The following PPP2R1B variants were observed in gnomAD, a reference collection of about 807,000 sequenced individuals.
PPP2R1B encodes protein phosphatase 2 scaffold subunit Abeta.
Under a neutral mutation model 72.7 loss-of-function variants are expected in PPP2R1B, and 58 were observed. That is an observed-to-expected ratio of 0.80 (90% CI 0.65 to 0.99). The LOEUF is 0.99. Among genes scored for constraint, PPP2R1B ranks in the 50% least tolerant of loss-of-function variants. The pLI is 0.00. For synonymous variants in PPP2R1B, 256 were observed against 264.6 expected (o/e 0.97, Z 0.32); for missense variants, 695 against 733.6 (o/e 0.95, Z 0.61).
At chr11:111,713,142 G>A in the PPP2R1B span, among the ~76,000 whole-genome samples, 2 of 152,152 alleles carry the variant, frequency 1.3e-5, no homozygotes, top group South Asian at 4.1e-4. Context: ...TCCAGCCTGG[G>A]TGACAGAGTG....
At chr11:111,746,479 T>TG (rs1407532514) in intron 11 of PPP2R1B, among the ~76,000 whole-genome samples, 1 of 151,336 alleles carries the variant, frequency 6.6e-6, no homozygotes, top group Non-Finnish European at 1.5e-5. Flanking sequence ...TATCAGGGGG[T>TG]GAGGGGCGAG....
Position 111,739,183 on chromosome 11 carries a change from A to T in PPP2R1B, c.*2413T>A. 1 of 984,908 alleles carries T rather than the reference A, an allele frequency of 1.0e-6. No individual in the cohort carries two copies. Among genetic ancestry groups the T allele is most frequent in the South Asian group, 4.7e-5 (1 of 21,274 alleles). The allele number at this position is 984,908 out of a possible 1,614,324, so 61.0% of individuals were successfully genotyped here. The stretch of plus-strand genomic sequence containing the variant: ...GATATTTTAGAAATTCATCCATTGA[A>T]CACATTTTTATTGAGCACCTATTAT... On this transcript the variant is annotated 3_prime_UTR_variant, in exon 15 of 15. Coordinates refer to ENST00000527614, the MANE Select transcript of PPP2R1B (RefSeq NM_002716.5).
intron 2 of PPP2R1B, among the ~76,000 whole-genome samples, 171 bp downstream of exon 2, chr11:111,765,123 T>C (rs534496742): frequency 6.6e-6 from 1 of 152,356 alleles, no homozygotes; most frequent in African/African-American, 2.4e-5. Flanking sequence ...AGCTAAATGG[T>C]TGATGTTTGA....
chr11:111,742,472 G>C, intron 13 of PPP2R1B, 51 bp downstream of exon 13: 2 of 1,569,346 alleles, frequency 1.3e-6, no homozygotes, highest in Non-Finnish European at 1.7e-6. Context: ...CCCACTATAA[G>C]GTAAAATTTA....
chr11:111,713,850 C>G, the PPP2R1B span, among the ~76,000 whole-genome samples: 11 of 152,170 alleles, frequency 7.2e-5, no homozygotes, highest in East Asian at 3.9e-4. Context: ...GCCTGTAATC[C>G]CAGCTACTCG....
In PPP2R1B at chr11:111,742,109, T is replaced by C. The variant is rs758343790; in HGVS notation, c.1733A>G (p.Lys578Arg). 1 of 1,613,896 alleles carries C rather than the reference T, an allele frequency of 6.2e-7. No individual in the cohort carries two copies. Among genetic ancestry groups the C allele is most frequent in the Non-Finnish European group, 8.5e-7 (1 of 1,179,824 alleles). ...ATCCATGTCTTCATCTTGACCTAAC[T>C]TCTGTAGTACTGGCTTCACTTCTCC... is the stretch of plus-strand genomic sequence containing the variant. ...LQGEVKPVLQ[K>R]LGQDEDMDVK... The change falls in exon 14 of 15, where the codon AAG (lysine) becomes AGG (arginine). Residue 578 changes from lysine (K) to arginine (R), a missense_variant. Transcript: ENST00000527614.
At chr11:111,715,670 G>A in the PPP2R1B span, among the ~76,000 whole-genome samples, 5 of 152,198 alleles carry the variant, frequency 3.3e-5, no homozygotes, top group Admixed American at 6.5e-5. Context: ...ATCCACAGAT[G>A]ACATGGGGGC....
intron 4 of PPP2R1B, among the ~76,000 whole-genome samples, chr11:111,760,585 G>C (rs1555050981): frequency 6.6e-6 from 1 of 151,944 alleles, no homozygotes; most frequent in African/African-American, 2.4e-5. Flanking sequence ...AGAGTTCAAG[G>C]TTGCAGTGAG....
At chr11:111,761,476 G>A (rs929650983) in intron 3 of PPP2R1B, among the ~76,000 whole-genome samples, 1 of 152,176 alleles carries the variant, frequency 6.6e-6, no homozygotes, top group African/African-American at 2.4e-5. Context: ...AGGTCACTGA[G>A]TCCACAGCCT....
chr11:111,708,134 C>T, the PPP2R1B span, among the ~76,000 whole-genome samples: 479 of 152,242 alleles, frequency 3.1e-3, 1 homozygote, highest in South Asian at 0.03. Flanking sequence ...GTAATCCCGG[C>T]GCTTTGGGAG....
At chr11:111,719,451 T>A in the PPP2R1B span, among the ~76,000 whole-genome samples, 676 of 130,332 alleles carry the variant, frequency 5.2e-3, 3 homozygotes, top group African/African-American at 0.019. Flanking sequence ...TAAAAAAAAA[T>A]AATAACTGGT....
rs529428892 is a variant in PPP2R1B at position 111,755,516 on chromosome 11, G to A, written c.688-66C>T. On this transcript the variant is annotated intron_variant, in intron 5 of 14. Transcript: ENST00000527614. ...ACCCATGGGGAACTGCTGTGGGGTG[G>A]TGCAGGTGTTTAAAAAAATTAACAC... is the stretch of plus-strand genomic sequence containing the variant. 165 of 1,449,980 alleles carry A rather than the reference G, an allele frequency of 1.1e-4. 2 individuals are homozygous for A. The South Asian group carries it at 2.2e-3, about 20-fold the overall frequency. The allele number at this position is 1,449,980 out of a possible 1,614,324, so 89.8% of individuals were successfully genotyped here.
the PPP2R1B span, among the ~76,000 whole-genome samples, chr11:111,699,806 A>T: frequency 6.6e-6 from 1 of 152,200 alleles, no homozygotes; most frequent in South Asian, 2.1e-4. Flanking sequence ...TTTTCACTTT[A>T]CAGATGGGGA....
At position 111,739,445 on chromosome 11, in the gene PPP2R1B, A is replaced by G; in HGVS notation, c.*2151T>C. On this transcript the variant is annotated 3_prime_UTR_variant, in exon 15 of 15. Transcript: ENST00000527614. Reference sequence around the variant, plus strand: ...GAGTACCAAAACAAATTCTCTCTCTATTGCTTAAGTCAGAAGGAAACAATG... The same window carrying G: ...GAGTACCAAAACAAATTCTCTCTCTGTTGCTTAAGTCAGAAGGAAACAATG... 1.0e-6 allele frequency: 1 copy of G among 985,396 alleles called. No individual in the cohort carries two copies. Among genetic ancestry groups the G allele is most frequent in the African/African-American group, 1.7e-5 (1 of 57,354 alleles). The allele number at this position is 985,396 out of a possible 1,614,324, so 61.0% of individuals were successfully genotyped here.
intron 13 of PPP2R1B, 87 bp downstream of exon 13, chr11:111,742,436 C>T: frequency 7.0e-7 from 1 of 1,423,656 alleles, no homozygotes; most frequent in Non-Finnish European, 9.5e-7. Context: ...GTGAAAATCC[C>T]TGAACTTAAT....
the PPP2R1B span, among the ~76,000 whole-genome samples, chr11:111,708,089 A>G: frequency 9.9e-5 from 15 of 152,172 alleles, no homozygotes; most frequent in African/African-American, 3.6e-4. Flanking sequence ...TAGTTACAAA[A>G]TACCCATTAT....
Position 111,738,388 on chromosome 11 carries a change from AATGTG to A in PPP2R1B, c.*3203_*3207del, listed in dbSNP as rs1944404059. 1 of 985,422 alleles carries A rather than the reference AATGTG, an allele frequency of 1.0e-6. No homozygotes were observed. The highest frequency in any genetic ancestry group is 1.7e-5 in the African/African-American group (1 of 57,260). 61.0% of individuals were successfully genotyped at this position (985,422 alleles called of 1,614,324 possible). A position where few individuals can be genotyped will look rare whatever the true frequency, so the allele number is the denominator to read the frequency against. ...CTGCCATCGCCACAGGGACAGAGCCAATGTGACGTCTAAGGGCAAGCCCCAGCCTT... is the reference window on the plus strand; with the variant it reads ...CTGCCATCGCCACAGGGACAGAGCCAACGTCTAAGGGCAAGCCCCAGCCTT... On this transcript the variant is annotated 3_prime_UTR_variant, in exon 15 of 15. Transcript: ENST00000527614.
chr11:111,695,176 G>A, the PPP2R1B span, among the ~76,000 whole-genome samples: 7 of 152,102 alleles, frequency 4.6e-5, no homozygotes, highest in Non-Finnish European at 8.8e-5. Flanking sequence ...TAATTACAAA[G>A]GATGTGTAAC....
the PPP2R1B span, among the ~76,000 whole-genome samples, chr11:111,717,307 G>T: frequency 1.0e-5 from 1 of 95,434 alleles, no homozygotes; most frequent in African/African-American, 4.3e-5. Context: ...GACAGAGCGA[G>T]ACTCCGTCTC....
Sources: gnomAD v4.1 joint callset for allele counts (sites outside exome capture counted in the v4.1 genomes callset) on GRCh38, gnomAD v4.1.1 for gene constraint, MANE v1.5 for transcripts, NCBI Gene and HGNC (gene_info 2026-07-23, HGNC 2026-07-21) for gene names.